Variants in CNGB1 observed in about 807,000 individuals in gnomAD.
The protein encoded by CNGB1 is cyclic nucleotide-gated channel beta-1.
In CNGB1, 126 loss-of-function variants were observed where a neutral mutation model predicts 151.7. The observed-to-expected ratio is 0.83, with a 90% CI of 0.72 to 0.96. The LOEUF is 0.96. Ranked by LOEUF, CNGB1 falls within the 40% of genes least tolerant of loss-of-function variation. CNGB1 has a pLI of 0.00. For missense variants in CNGB1, 1,698 were observed against 1,627.0 expected, an observed-to-expected ratio of 1.04 and a Z score of -0.75; for synonymous variants, 623 against 635.1, an observed-to-expected ratio of 0.98 and a Z score of 0.29.
intron 12 of CNGB1, chr16:57,954,844 C>A (rs1962043368): frequency 1.3e-5 from 13 of 993,964 alleles, no homozygotes; most frequent in Non-Finnish European, 1.6e-5. Context: ...ACACTGGGGG[C>A]TGTGCACGCG....
At chr16:57,892,956 G>A (rs1960134583) in intron 31 of CNGB1, among the ~76,000 whole-genome samples, 2 of 152,066 alleles carry the variant, frequency 1.3e-5, no homozygotes, top group Non-Finnish European at 1.5e-5. Flanking sequence ...TCACATCATC[G>A]CTCATCTTTC....
intron 12 of CNGB1, among the ~76,000 whole-genome samples, chr16:57,953,225 A>G (rs1272788887): frequency 1.3e-5 from 2 of 152,306 alleles, no homozygotes; most frequent in East Asian, 3.9e-4. Context: ...GGTCGGACAC[A>G]GTAGCTCACA....
At position 57,903,812 on chromosome 16, in the gene CNGB1, A is replaced by G. The variant is rs942959498; in HGVS notation, c.2794+10T>C. 1.9e-6 allele frequency: 3 copies of G among 1,613,954 alleles called. No homozygotes were observed. Among genetic ancestry groups the G allele is most frequent in the East Asian group, 4.5e-5 (2 of 44,876 alleles). On this transcript the variant is annotated intron_variant, in intron 27 of 32. Coordinates refer to ENST00000251102, the MANE Select transcript of CNGB1 (RefSeq NM_001297.5). ...GGGAGCTGGTGGCTGCCAGGGCGTG[A>G]CCATCTTACCCAGCATGCCTTGCGA... is the stretch of plus-strand genomic sequence containing the variant.
chr16:57,957,608 C>A (rs1962123986), intron 11 of CNGB1, among the ~76,000 whole-genome samples: 1 of 152,222 alleles, frequency 6.6e-6, no homozygotes, highest in Non-Finnish European at 1.5e-5. Flanking sequence ...GTGGGGGTGA[C>A]CCCAGACAGC....
intron 18 of CNGB1, among the ~76,000 whole-genome samples, chr16:57,921,125 C>CTT (rs112809722): frequency 2.8e-5 from 4 of 142,652 alleles, no homozygotes; most frequent in Admixed American, 7.1e-5. Flanking sequence ...TCTTTTTTAT[C>CTT]TTTTTTTTTT....
In CNGB1 at chr16:57,898,577, G is replaced by A. The variant is rs189513501; in HGVS notation, c.2977-663C>T. ...ATTACAAGCATGTGCCACCATGCCC[G>A]GCAAATTTTTGTATTTTTAGTAGAG... is the stretch of plus-strand genomic sequence containing the variant. On this transcript the variant is annotated intron_variant, in intron 29 of 32. Coordinates refer to ENST00000251102, the MANE Select transcript of CNGB1 (RefSeq NM_001297.5). Among the ~76,000 whole-genome samples the A allele has an allele frequency of 2.5e-3, 375 of 151,784 alleles. 2 individuals are homozygous for A. Among genetic ancestry groups the A allele is most frequent in the African/African-American group, 8.8e-3 (364 of 41,422 alleles).
chr16:57,944,013 G>A (rs1019378720), intron 14 of CNGB1, among the ~76,000 whole-genome samples: 3 of 151,386 alleles, frequency 2.0e-5, no homozygotes, highest in South Asian at 2.1e-4. Context: ...TCAGCCTCCC[G>A]AGTAGCTGGG....
intron 16 of CNGB1, among the ~76,000 whole-genome samples, chr16:57,934,814 A>C (rs1961460574): frequency 6.6e-6 from 1 of 152,062 alleles, no homozygotes; most frequent in African/African-American, 2.4e-5. Flanking sequence ...AAAATTCCCC[A>C]GGCCTGGTGG....
chr16:57,904,030 G>T, intron 26 of CNGB1, 49 bp from the exon 27 acceptor site: 1 of 1,575,966 alleles, frequency 6.3e-7, no homozygotes, highest in Non-Finnish European at 8.7e-7. Flanking sequence ...GTCATTGGGG[G>T]TGGGCGCTAT....
intron 15 of CNGB1, among the ~76,000 whole-genome samples, chr16:57,939,926 A>G (rs1961618674): frequency 6.6e-6 from 1 of 152,194 alleles, no homozygotes; most frequent in South Asian, 2.1e-4. Context: ...TACAGGCCCA[A>G]GGGAGGCGTC....
chr16:57,902,581 A>G (rs980771898), intron 27 of CNGB1, among the ~76,000 whole-genome samples: 1 of 151,914 alleles, frequency 6.6e-6, no homozygotes, highest in Non-Finnish European at 1.5e-5. Flanking sequence ...TGCTGGGATT[A>G]CAGGCATGAG....
intron 16 of CNGB1, among the ~76,000 whole-genome samples, chr16:57,938,731 A>G (rs1171730613): frequency 6.6e-6 from 1 of 152,148 alleles, no homozygotes; most frequent in Admixed American, 6.5e-5. Flanking sequence ...CTGAAGACCC[A>G]TTGCGTGGGG....
intron 26 of CNGB1, 69 bp downstream of exon 26, chr16:57,904,665 A>G: frequency 1.9e-6 from 3 of 1,607,340 alleles, no homozygotes; most frequent in Non-Finnish European, 1.7e-6. Context: ...AGAGGGTGAC[A>G]TTTCTGGCAA....
At chr16:57,945,924 C>A (rs1961796220) in intron 14 of CNGB1, among the ~76,000 whole-genome samples, 1 of 152,202 alleles carries the variant, frequency 6.6e-6, no homozygotes, top group Non-Finnish European at 1.5e-5. Flanking sequence ...AAACCTTTTG[C>A]ACAAAAATCC....
chr16:57,917,570 AACT>A (rs1960906684), intron 20 of CNGB1, 94 bp from the exon 21 acceptor site: 1 of 1,165,112 alleles, frequency 8.6e-7, no homozygotes, highest in Admixed American at 1.7e-5. Context: ...CTACTCCTTC[AACT>A]ACTACATGTG....
At chr16:57,926,660 C>A (rs1961197526) in intron 17 of CNGB1, among the ~76,000 whole-genome samples, 1 of 152,194 alleles carries the variant, frequency 6.6e-6, no homozygotes, top group Admixed American at 6.5e-5. Flanking sequence ...CTGTGCCCAG[C>A]ACAGGGCACT....
intron 17 of CNGB1, among the ~76,000 whole-genome samples, chr16:57,926,665 G>A (rs558666344): frequency 6.6e-5 from 10 of 152,136 alleles, no homozygotes; most frequent in African/African-American, 9.7e-5. Flanking sequence ...CCCAGCACAG[G>A]GCACTCTCCT....
chr16:57,966,984 C>G (rs965880630), intron 2 of CNGB1, 144 bp downstream of exon 2: 6 of 1,108,682 alleles, frequency 5.4e-6, no homozygotes, highest in African/African-American at 1.5e-5. Context: ...CTCACTCGAA[C>G]AAGTGTGGGA....
chr16:57,949,914 T>A (rs983903350), intron 13 of CNGB1, among the ~76,000 whole-genome samples: 1 of 152,232 alleles, frequency 6.6e-6, no homozygotes, highest in Admixed American at 6.5e-5. Context: ...AAGACATGCA[T>A]ACAAGAGTGC....
Sources: gnomAD v4.1 joint callset for allele counts (sites outside exome capture counted in the v4.1 genomes callset) on GRCh38, gnomAD v4.1.1 for gene constraint, MANE v1.5 for transcripts, NCBI Gene and HGNC (gene_info 2026-07-23, HGNC 2026-07-21) for gene names.